The following MGA variants were observed in gnomAD, a reference collection of about 807,000 sequenced individuals.
MGA encodes MAX dimerization protein MGA.
A neutral mutation model predicts 261.1 loss-of-function variants in MGA; 40 were observed. The ratio of observed to expected loss-of-function variants is 0.15; its 90% CI spans 0.12 to 0.20. MGA has a LOEUF of 0.20. Ranked by LOEUF, MGA falls within the 10% of genes least tolerant of loss-of-function variation. The pLI, the probability that MGA is intolerant of heterozygous loss-of-function variation, is 1.00. For missense variants in MGA, 3,397 were observed against 3,630.5 expected (o/e 0.94, Z 1.65); for synonymous variants, 1,302 against 1,290.6 (o/e 1.01, Z -0.19).
chr15:41,697,818 T>C (rs1266845404), intron 3 of MGA, among the ~76,000 whole-genome samples: 1 of 152,222 alleles, frequency 6.6e-6, no homozygotes, highest in Non-Finnish European at 1.5e-5. Context: ...TATTCCACTC[T>C]GACTCTTCAA....
chr15:41,754,246 G>A lies in MGA; in HGVS notation c.7009-191G>A, dbSNP rs552255868. 4.1e-4 allele frequency among the ~76,000 whole-genome samples: 63 copies of A among 152,116 alleles called. 1 individual carries two copies. Among genetic ancestry groups the A allele is most frequent in the Non-Finnish European group, 6.9e-4 (47 of 68,016 alleles). On this transcript the variant is annotated intron_variant, in intron 17 of 23. Coordinates refer to ENST00000219905, the MANE Select transcript of MGA (RefSeq NM_001164273.2). ...TATATATGACTTATAGTTCTTGATT[G>A]TTAATTCTAATGATATGTTATCTTT...
chr15:41,661,013 C>G (rs56383987), intron 1 of MGA, among the ~76,000 whole-genome samples: 2 of 152,220 alleles, frequency 1.3e-5, no homozygotes, highest in Non-Finnish European at 2.9e-5. Context: ...TTTCTGAGAA[C>G]TTGGCGCAGC....
Position 41,762,316 on chromosome 15 carries a change from G to A in MGA, c.7698G>A (p.Arg2566=). ...TTGGACAGATGTTTATAAATAACAGGAGGGGGAAACCTTTGATTCTTTCCA... is the reference window on the plus strand; with the variant it reads ...TTGGACAGATGTTTATAAATAACAGAAGGGGGAAACCTTTGATTCTTTCCA... Residue 2566 remains arginine, a synonymous_variant, in exon 22 of 24, where the codon AGG becomes AGA. Transcript: ENST00000219905. The A allele has an allele frequency of 6.2e-7, 1 of 1,613,860 alleles. No individual in the cohort carries two copies. Among genetic ancestry groups the A allele is most frequent in the Non-Finnish European group, 8.5e-7 (1 of 1,179,864 alleles).
rs752332459 is a variant in MGA, at chr15:41,713,256, G to A, written c.3190G>A (p.Glu1064Lys). Residue 1064 changes from glutamate (E) to lysine (K), a missense_variant, in exon 9 of 24, where the codon GAG (glutamate) becomes AAG (lysine). By Grantham distance (56) the Glu-to-Lys change is moderately conservative. Around this residue, in one of 9 missense-constraint regions of MGA, gnomAD observed 519 missense variants for 554.1 expected, o/e 0.94. Transcript: ENST00000219905. ...TTGTGTATGTTCCAGTCTAGCTTTG[G>A]AGAAGCGCCAACCTGCTCACTGCCG... 2 of 1,614,016 alleles carry A rather than the reference G, an allele frequency of 1.2e-6. No homozygotes were observed. The highest frequency in any genetic ancestry group is 1.7e-5 in the Admixed American group (1 of 60,014).
At position 41,711,488 on chromosome 15, in the gene MGA, C is replaced by T. The variant is rs941783672; in HGVS notation, c.3084+139C>T. 1.2e-5 allele frequency: 10 copies of T among 820,914 alleles called. No individual in the cohort carries two copies. In the African/African-American group the frequency reaches 1.6e-4, roughly 13 times the overall value. 50.9% of individuals were successfully genotyped at this position (820,914 alleles called of 1,614,324 possible). On this transcript the variant is annotated intron_variant, in intron 8 of 23. Coordinates refer to ENST00000219905, the MANE Select transcript of MGA (RefSeq NM_001164273.2). ...TTTAGAACCTTCATGGGAACTAAGG[C>T]TATGTCTTCCCCATTTGTTCTTTAC...
In MGA at chr15:41,669,358, G is replaced by A. The variant is rs1346094452; in HGVS notation, c.464G>A (p.Arg155Lys). 6.2e-7 allele frequency: 1 copy of A among 1,613,958 alleles called. No individual in the cohort carries two copies. Among genetic ancestry groups the A allele is most frequent in the African/African-American group, 1.3e-5 (1 of 75,036 alleles). Residue 155 changes from arginine to lysine, a missense_variant, in exon 2 of 24, where the codon AGG (arginine) becomes AAG (lysine). Around this residue, in one of 9 missense-constraint regions of MGA, gnomAD observed 104 missense variants for 212.9 expected, o/e 0.49. Coordinates refer to ENST00000219905, the MANE Select transcript of MGA (RefSeq NM_001164273.2). ...AAGGCTGAACCTCATGTTTTGGGGA[G>A]GGTTTTCATTCATCCAGAATCTCCT...
At chr15:41,713,979 G>GTTTTTTTGGT (rs2060504911) in intron 9 of MGA, among the ~76,000 whole-genome samples, 1 of 151,072 alleles carries the variant, frequency 6.6e-6, no homozygotes, top group Non-Finnish European at 1.5e-5. Context: ...TGAAAATTGG[G>GTTTTTTTGGT]TTTTTTTTTG....
chr15:41,740,751 G>T (rs1023945885), intron 14 of MGA, among the ~76,000 whole-genome samples: 1 of 152,184 alleles, frequency 6.6e-6, no homozygotes, highest in Non-Finnish European at 1.5e-5. Context: ...AGTGGTGTAA[G>T]TAGTATAGGC....
chr15:41,738,661 A>G lies in MGA; in HGVS notation c.4435-1392A>G, dbSNP rs955978229. On this transcript the variant is annotated intron_variant, in intron 13 of 23. Coordinates refer to ENST00000219905, the MANE Select transcript of MGA (RefSeq NM_001164273.2). ...TGCCCAGGACTCACAAAGCCACCAT[A>G]GAATGTGTCTGCATAAGCAGTCAGG... 4.6e-5 allele frequency among the ~76,000 whole-genome samples: 7 copies of G among 152,360 alleles called. No homozygotes were observed. In the East Asian group the frequency reaches 9.6e-4, roughly 21 times the overall value.
At chr15:41,649,971 G>A (rs936425910) in intron 1 of MGA, among the ~76,000 whole-genome samples, 9 of 152,062 alleles carry the variant, frequency 5.9e-5, no homozygotes, top group Admixed American at 2.6e-4. Context: ...GTGAGCCACC[G>A]CGCCCAGCCT....
chr15:41,748,466 ATC>A (rs1396198095), intron 15 of MGA, among the ~76,000 whole-genome samples, 169 bp from the exon 16 acceptor site: 1 of 152,180 alleles, frequency 6.6e-6, no homozygotes, highest in African/African-American at 2.4e-5. Context: ...AAGTGGAAGA[ATC>A]ACTTGAACTA....
Position 41,769,299 on chromosome 15 carries a change from CT to C in MGA, c.*2039del, listed in dbSNP as rs530927124. 52,847 of 132,374 alleles carry C rather than the reference CT, an allele frequency of 0.4. 10,367 individuals are homozygous for C. The highest frequency in any genetic ancestry group is 0.42 in the Admixed American group (5,513 of 13,022). The allele number at this position is 132,374 out of a possible 1,614,324, so 8.2% of individuals were successfully genotyped here. ...AAGGACCATTTTAGCTTAACACTTCCTTTTTTTTTTTTTTTTTTTTAAGAAG... is the reference window on the plus strand; with the variant it reads ...AAGGACCATTTTAGCTTAACACTTCCTTTTTTTTTTTTTTTTTTTAAGAAG... On this transcript the variant is annotated 3_prime_UTR_variant, in exon 24 of 24. Transcript: ENST00000219905.
At chr15:41,738,177 G>A (rs990572775) in intron 13 of MGA, among the ~76,000 whole-genome samples, 4 of 151,972 alleles carry the variant, frequency 2.6e-5, no homozygotes, top group Non-Finnish European at 5.9e-5. Context: ...AAGGCGGGTA[G>A]ATCATGAGGT....
In MGA at chr15:41,736,343, A is replaced by G. The variant is rs556117291; in HGVS notation, c.4079A>G (p.Asn1360Ser). 18 of 1,614,012 alleles carry G rather than the reference A, an allele frequency of 1.1e-5. No homozygotes were observed. The highest frequency in any genetic ancestry group is 6.7e-5 in the African/African-American group (5 of 75,050). ...TTGAGCATCTTATCCCAGCACATCAATAGCAACATGCCACAATCACTTAAG... is the reference window on the plus strand; with the variant it reads ...TTGAGCATCTTATCCCAGCACATCAGTAGCAACATGCCACAATCACTTAAG... Residue 1360 changes from asparagine to serine, a missense_variant, in exon 13 of 24, where the codon AAT becomes AGT. Coordinates refer to ENST00000219905, the MANE Select transcript of MGA (RefSeq NM_001164273.2).
chr15:41,658,044 T>C (rs2057243475), upstream of MGA, among the ~76,000 whole-genome samples: 1 of 152,180 alleles, frequency 6.6e-6, no homozygotes, highest in South Asian at 2.1e-4. Flanking sequence ...ATAGGAAAAG[T>C]GTGCATGTAA....
chr15:41,649,174 G>T (rs1018342722), intron 1 of MGA, among the ~76,000 whole-genome samples: 1 of 152,090 alleles, frequency 6.6e-6, no homozygotes, highest in Non-Finnish European at 1.5e-5. Flanking sequence ...ATGAGGTCAG[G>T]AGTTCAAGAC....
At chr15:41,645,684 A>G (rs1436520298) in intron 1 of MGA, among the ~76,000 whole-genome samples, 1 of 152,216 alleles carries the variant, frequency 6.6e-6, no homozygotes, top group Non-Finnish European at 1.5e-5. Context: ...GCACAAGTAG[A>G]TAGATTTTGA....
intron 18 of MGA, among the ~76,000 whole-genome samples, chr15:41,757,434 G>A (rs916846686): frequency 2.2e-4 from 34 of 152,146 alleles, no homozygotes; most frequent in African/African-American, 7.7e-4. Flanking sequence ...ACAGGAGGAG[G>A]TGCCTATGTT....
chr15:41,692,192 G>A (rs1034185710), intron 2 of MGA, among the ~76,000 whole-genome samples: 2 of 152,050 alleles, frequency 1.3e-5, no homozygotes, highest in African/African-American at 4.8e-5. Flanking sequence ...CTCACCTCTC[G>A]TTTCAGCTGT....
Sources: allele counts gnomAD v4.1 joint callset (sites outside exome capture counted in the v4.1 genomes callset), GRCh38; gene constraint gnomAD v4.1.1; regional missense constraint gnomAD v4.1.1; transcripts MANE v1.5; gene names NCBI Gene and HGNC (gene_info 2026-07-23, HGNC 2026-07-21).